Variants in NCKAP5 observed in about 807,000 individuals in gnomAD.
The protein encoded by NCKAP5 is NCK associated protein 5.
In NCKAP5, 92 loss-of-function variants were observed where a neutral mutation model predicts 167.0. The ratio of observed to expected loss-of-function variants is 0.55; its 90% CI spans 0.47 to 0.66. The LOEUF is 0.66. Among genes scored for constraint, NCKAP5 ranks in the 30% least tolerant of loss-of-function variants. NCKAP5 has a pLI of 0.00. For missense variants in NCKAP5, 2,378 were observed against 2,315.0 expected, an observed-to-expected ratio of 1.03 and a Z score of -0.56; for synonymous variants, 891 against 877.4, an observed-to-expected ratio of 1.02 and a Z score of -0.27.
the NCKAP5 span, among the ~76,000 whole-genome samples, chr2:133,647,892 A>G: frequency 6.6e-6 from 1 of 152,264 alleles, no homozygotes; most frequent in African/African-American, 2.4e-5. Flanking sequence ...TTCCCTAACG[A>G]TGATTACGTT....
chr2:133,250,249 G>A (rs73957011), intron 4 of NCKAP5, among the ~76,000 whole-genome samples: 2,673 of 152,108 alleles, frequency 0.018, 54 homozygotes, highest in African/African-American at 0.043. Context: ...GGACCTTGAC[G>A]TGAGGGTGAG....
At chr2:133,167,732 T>C (rs1314434645) in intron 5 of NCKAP5, among the ~76,000 whole-genome samples, 2 of 152,194 alleles carry the variant, frequency 1.3e-5, no homozygotes, top group Admixed American at 6.5e-5. Flanking sequence ...ACAAGTCAAG[T>C]AACTAAGCCT....
At chr2:132,686,682 G>A (rs986834668) in intron 19 of NCKAP5, among the ~76,000 whole-genome samples, 1 of 152,096 alleles carries the variant, frequency 6.6e-6, no homozygotes, top group African/African-American at 2.4e-5. Context: ...GCCCTTTAAT[G>A]TCCTTGAAAG....
rs778425240 is a variant in NCKAP5 at position 132,783,908 on chromosome 2, G to A, written c.2903C>T (p.Pro968Leu). The A allele has an allele frequency of 6.4e-7, 1 of 1,551,984 alleles. No individual in the cohort carries two copies. Among genetic ancestry groups the A allele is most frequent in the Admixed American group, 2.1e-5 (1 of 47,862 alleles). Residue 968 changes from proline (P) to leucine (L), a missense_variant, in exon 14 of 20, where the codon CCA becomes CTA. Physicochemically the swap from Pro to Leu is moderately conservative, Grantham distance 98. Coordinates refer to ENST00000409261, the MANE Select transcript of NCKAP5 (RefSeq NM_207363.3). The stretch of plus-strand genomic sequence containing the variant: ...TCCTTTCAGCAGCGGGGATTTGAAT[G>A]GGGTCCTTGCTGTTTCACTGGGGAC... Reference protein sequence around the residue: ...TRVPSETARTPFKSPLLKGIS... With the variant: ...TRVPSETARTLFKSPLLKGIS...
At chr2:133,028,121 T>G (rs1472957235) in intron 6 of NCKAP5, among the ~76,000 whole-genome samples, 1 of 152,184 alleles carries the variant, frequency 6.6e-6, no homozygotes, top group Non-Finnish European at 1.5e-5. Flanking sequence ...AAATCTGAAA[T>G]TTGAAATACT....
chr2:133,581,069 GT>G, the NCKAP5 span, among the ~76,000 whole-genome samples: 1 of 152,006 alleles, frequency 6.6e-6, no homozygotes, highest in Admixed American at 6.6e-5. Flanking sequence ...GTCCCTAACA[GT>G]TTTTTCAGAA....
At chr2:133,158,612 A>C (rs2083667503) in intron 5 of NCKAP5, among the ~76,000 whole-genome samples, 1 of 152,158 alleles carries the variant, frequency 6.6e-6, no homozygotes, top group African/African-American at 2.4e-5. Context: ...CTATTTCCAC[A>C]ACAATCCCAG....
chr2:133,052,259 C>T (rs752137389), intron 6 of NCKAP5, among the ~76,000 whole-genome samples: 6 of 152,302 alleles, frequency 3.9e-5, no homozygotes, highest in South Asian at 4.1e-4. Flanking sequence ...ACTATCATCA[C>T]GTAACAGAAC....
intron 4 of NCKAP5, among the ~76,000 whole-genome samples, chr2:133,245,168 C>T (rs1447620563): frequency 6.6e-6 from 1 of 152,074 alleles, no homozygotes; most frequent in Non-Finnish European, 1.5e-5. Flanking sequence ...AAAATATGTA[C>T]AAACCTGTTC....
chr2:132,889,403 T>C (rs1692503313), intron 8 of NCKAP5, among the ~76,000 whole-genome samples: 1 of 152,184 alleles, frequency 6.6e-6, no homozygotes, highest in African/African-American at 2.4e-5. Context: ...TTACTGGTCC[T>C]TTGCTGTACC....
intron 16 of NCKAP5, among the ~76,000 whole-genome samples, chr2:132,770,601 G>C (rs1001595705): frequency 5.9e-5 from 9 of 151,924 alleles, no homozygotes; most frequent in Admixed American, 5.3e-4. Flanking sequence ...TGAACACCAA[G>C]TCAATTATCT....
the NCKAP5 span, among the ~76,000 whole-genome samples, chr2:133,654,795 C>A: frequency 2.0e-5 from 3 of 152,128 alleles, no homozygotes; most frequent in African/African-American, 4.8e-5. Flanking sequence ...GTGAAGGAAC[C>A]ACCTGCCATA....
At chr2:133,522,670 A>G (rs1445109507) in intron 2 of NCKAP5, among the ~76,000 whole-genome samples, 1 of 151,512 alleles carries the variant, frequency 6.6e-6, no homozygotes, top group East Asian at 1.9e-4. Context: ...GCAAAAATAC[A>G]ATTTTGTTTA....
chr2:133,572,421 T>C (rs866417972), upstream of NCKAP5, among the ~76,000 whole-genome samples: 8 of 152,142 alleles, frequency 5.3e-5, no homozygotes, highest in African/African-American at 1.9e-4. Flanking sequence ...GTCATAGGCA[T>C]GAAAGACAAG....
rs533452824 is a variant in NCKAP5, at chr2:133,180,611, T to G, written c.207+33105A>C. ...GCCTTGGCCTCCCAAAGTGCTGGGA[T>G]TACAGACGTGAGCCACTGTGCCTGG... On this transcript the variant is annotated intron_variant, in intron 5 of 19. Transcript: ENST00000409261. Among the ~76,000 whole-genome samples the G allele has an allele frequency of 1.8e-4, 28 of 152,244 alleles. 1 individual carries two copies. The South Asian group carries it at 5.4e-3, about 29-fold the overall frequency.
intron 5 of NCKAP5, among the ~76,000 whole-genome samples, chr2:133,181,127 C>A (rs2084712650): frequency 6.7e-6 from 1 of 149,922 alleles, no homozygotes; most frequent in South Asian, 2.1e-4. Context: ...ACAACTGAAG[C>A]AAAAACAACA....
chr2:133,099,785 TA>T (rs1426587302), intron 6 of NCKAP5, among the ~76,000 whole-genome samples: 54 of 152,242 alleles, frequency 3.5e-4, no homozygotes, highest in African/African-American at 1.3e-3. Context: ...CCTCTTTTCT[TA>T]TTTAATTCAC....
At position 133,007,024 on chromosome 2, in the gene NCKAP5, A is replaced by G. The variant is rs56961254; in HGVS notation, c.342-12785T>C. The stretch of plus-strand genomic sequence containing the variant: ...TATTGTAAACCACAGCACATCCAGA[A>G]AAGTCGCTCTACCAAATCCTCTTTC... On this transcript the variant is annotated intron_variant, in intron 6 of 19. Transcript: ENST00000409261. Among the ~76,000 whole-genome samples the G allele has an allele frequency of 9.8e-3, 1,487 of 152,262 alleles. 24 individuals are homozygous for G. Among genetic ancestry groups the G allele is most frequent in the African/African-American group, 0.034 (1,416 of 41,548 alleles).
In NCKAP5 at chr2:133,432,631, G is replaced by A. The variant is rs151224077; in HGVS notation, c.69+84827C>T. 2.5e-4 allele frequency among the ~76,000 whole-genome samples: 38 copies of A among 152,242 alleles called. No individual in the cohort carries two copies. In the East Asian group the frequency reaches 6.9e-3, roughly 28 times the overall value. On this transcript the variant is annotated intron_variant, in intron 3 of 19. Coordinates refer to ENST00000409261, the MANE Select transcript of NCKAP5 (RefSeq NM_207363.3). ...TCCCTCTAAATACCTGGCCGTCAGG[G>A]TAGCATGCTCATTTCACTACTCTAA... is the stretch of plus-strand genomic sequence containing the variant.
Sources: gnomAD v4.1 joint callset for allele counts (sites outside exome capture counted in the v4.1 genomes callset) on GRCh38, gnomAD v4.1.1 for gene constraint, MANE v1.5 for transcripts, NCBI Gene and HGNC (gene_info 2026-07-23, HGNC 2026-07-21) for gene names.